Variants in CSMD3 observed in about 807,000 individuals in gnomAD.
CSMD3 encodes CUB and sushi domain-containing protein 3.
Under a neutral mutation model 435.2 loss-of-function variants are expected in CSMD3, and 177 were observed. The observed-to-expected ratio is 0.41, with a 90% CI of 0.36 to 0.46. The LOEUF (loss-of-function observed/expected upper bound fraction) is 0.46, where lower values mean the gene tolerates loss of function less well. Ranked by LOEUF, CSMD3 falls within the 20% of genes least tolerant of loss-of-function variation. The pLI is 0.34. For synonymous variants in CSMD3, 1,656 were observed against 1,520.5 expected, an observed-to-expected ratio of 1.09 and a Z score of -2.07; for missense variants, 4,265 against 4,504.6, an observed-to-expected ratio of 0.95 and a Z score of 1.52.
intron 13 of CSMD3, among the ~76,000 whole-genome samples, chr8:112,699,481 A>G (rs988545918): frequency 6.6e-6 from 1 of 152,180 alleles, no homozygotes; most frequent in African/African-American, 2.4e-5. Flanking sequence ...AAAAGAGAAA[A>G]CTAACATCTG....
At chr8:112,885,497 T>G (rs550003475) in intron 10 of CSMD3, among the ~76,000 whole-genome samples, 2 of 151,730 alleles carry the variant, frequency 1.3e-5, no homozygotes, top group East Asian at 3.9e-4. Context: ...ACTGAAAAAG[T>G]TGTCAAGCTC....
intron 10 of CSMD3, among the ~76,000 whole-genome samples, chr8:112,902,723 C>T (rs1401973130): frequency 6.6e-6 from 1 of 151,304 alleles, no homozygotes; most frequent in Non-Finnish European, 1.5e-5. Context: ...AATAATCTAG[C>T]AGTTTAGTCT....
At chr8:112,277,628 C>T (rs1818199700) in intron 59 of CSMD3, among the ~76,000 whole-genome samples, 2 of 152,122 alleles carry the variant, frequency 1.3e-5, no homozygotes, top group South Asian at 4.1e-4. Flanking sequence ...TACCAATTTA[C>T]TGTATTAGTC....
At chr8:112,473,533 A>T (rs980531711) in intron 31 of CSMD3, among the ~76,000 whole-genome samples, 2 of 152,120 alleles carry the variant, frequency 1.3e-5, no homozygotes, top group Non-Finnish European at 2.9e-5. Flanking sequence ...TCAGATAAAG[A>T]TTGGGTAGCT....
chr8:113,065,455 C>T (rs1460643108), intron 5 of CSMD3, among the ~76,000 whole-genome samples: 1 of 152,036 alleles, frequency 6.6e-6, no homozygotes, highest in East Asian at 1.9e-4. Context: ...GGCGCGATCT[C>T]GGTTCACTGC....
chr8:112,224,618 G>T lies in CSMD3; in HGVS notation c.*153C>A. 1 of 783,010 alleles carries T rather than the reference G, an allele frequency of 1.3e-6. No individual in the cohort carries two copies. Among genetic ancestry groups the T allele is most frequent in the Non-Finnish European group, 2.2e-6 (1 of 450,566 alleles). 48.5% of individuals were successfully genotyped at this position (783,010 alleles called of 1,614,324 possible). A position where few individuals can be genotyped will look rare whatever the true frequency, so the allele number is the denominator to read the frequency against. On this transcript the variant is annotated 3_prime_UTR_variant, in exon 71 of 71. Coordinates refer to ENST00000297405, the MANE Select transcript of CSMD3 (RefSeq NM_198123.2). ...GGTAAACATGAAGAATTATGGTCCA[G>T]TTTATGAAAAAACACTCTTCTGTAT...
At chr8:113,429,435 C>T (rs16884666) in intron 1 of CSMD3, among the ~76,000 whole-genome samples, 10,778 of 151,724 alleles carry the variant, frequency 0.071, 517 homozygotes, top group South Asian at 0.14. Flanking sequence ...AAGTACTGCC[C>T]CTCAATGCTC....
chr8:113,292,178 A>T (rs1362518633), intron 2 of CSMD3, among the ~76,000 whole-genome samples: 2 of 151,702 alleles, frequency 1.3e-5, no homozygotes, highest in Non-Finnish European at 2.9e-5. Context: ...TTGATGGAAT[A>T]GAAGAATGAT....
At chr8:112,896,281 C>T (rs2081947791) in intron 10 of CSMD3, among the ~76,000 whole-genome samples, 1 of 151,354 alleles carries the variant, frequency 6.6e-6, no homozygotes, top group African/African-American at 2.4e-5. Context: ...CAACTCCAGG[C>T]CTGAGAATAA....
intron 5 of CSMD3, among the ~76,000 whole-genome samples, chr8:113,094,353 A>G (rs1033302341): frequency 6.6e-6 from 1 of 152,034 alleles, no homozygotes; most frequent in Non-Finnish European, 1.5e-5. Context: ...CTCACCCTTT[A>G]GTTACTGTAA....
intron 10 of CSMD3, among the ~76,000 whole-genome samples, chr8:112,865,446 A>T (rs2446470): frequency 6.6e-6 from 1 of 152,004 alleles, no homozygotes; most frequent in Non-Finnish European, 1.5e-5. Context: ...TTTAAAATAA[A>T]TTGAAGGACT....
At chr8:112,651,234 T>C (rs1478577757) in intron 18 of CSMD3, among the ~76,000 whole-genome samples, 1 of 152,216 alleles carries the variant, frequency 6.6e-6, no homozygotes, top group Non-Finnish European at 1.5e-5. Context: ...ATTCCAAAAT[T>C]AGTCGTTAAC....
intron 32 of CSMD3, among the ~76,000 whole-genome samples, chr8:112,412,418 C>T (rs1297208292): frequency 6.6e-6 from 1 of 152,090 alleles, no homozygotes; most frequent in Non-Finnish European, 1.5e-5. Flanking sequence ...ATCTCAGCTC[C>T]AAGCTTCTTT....
intron 5 of CSMD3, among the ~76,000 whole-genome samples, chr8:113,065,639 C>T (rs141397250): frequency 1.7e-3 from 259 of 152,106 alleles, no homozygotes; most frequent in African/African-American, 6.1e-3. Context: ...CCGCCCGCCT[C>T]GTGCTCCCGA....
At chr8:112,377,217 T>C (rs1586920658) in intron 38 of CSMD3, among the ~76,000 whole-genome samples, 2 of 152,090 alleles carry the variant, frequency 1.3e-5, no homozygotes, top group Non-Finnish European at 1.5e-5. Context: ...GAGACTACTA[T>C]GAACAATTAC....
chr8:113,413,688 G>A (rs1048315285), intron 1 of CSMD3, among the ~76,000 whole-genome samples: 45 of 152,176 alleles, frequency 3.0e-4, no homozygotes, highest in Non-Finnish European at 1.6e-4. Context: ...CCTGTGGGAT[G>A]TATTATATTT....
intron 40 of CSMD3, among the ~76,000 whole-genome samples, chr8:112,350,536 T>G (rs1186545697): frequency 6.6e-6 from 1 of 152,088 alleles, no homozygotes; most frequent in Non-Finnish European, 1.5e-5. Flanking sequence ...AATTGAATGT[T>G]TTAAAGGTAG....
At chr8:112,852,027 C>A (rs965734069) in intron 11 of CSMD3, among the ~76,000 whole-genome samples, 8 of 152,036 alleles carry the variant, frequency 5.3e-5, no homozygotes, top group Non-Finnish European at 1.2e-4. Flanking sequence ...AGCAGCAAGT[C>A]AGAAAATTTG....
At chr8:112,341,767 A>G (rs1825138629) in intron 41 of CSMD3, 81 bp from the exon 42 acceptor site, 2 of 880,876 alleles carry the variant, frequency 2.3e-6, no homozygotes, top group Non-Finnish European at 3.7e-6. Flanking sequence ...AATCACATCA[A>G]TGTACTTAGA....
Sources: gnomAD v4.1 joint callset for allele counts (sites outside exome capture counted in the v4.1 genomes callset) on GRCh38, gnomAD v4.1.1 for gene constraint, MANE v1.5 for transcripts, NCBI Gene and HGNC (gene_info 2026-07-23, HGNC 2026-07-21) for gene names.